The following GLS2 variants were observed in gnomAD, a reference collection of about 807,000 sequenced individuals.
The protein encoded by GLS2 is glutaminase 2.
GLS2 carries 52 observed loss-of-function variants against 79.0 expected under a neutral mutation model. The ratio of observed to expected loss-of-function variants is 0.66; its 90% CI spans 0.53 to 0.83. GLS2 has a LOEUF of 0.83. Among genes scored for constraint, GLS2 ranks in the 40% least tolerant of loss-of-function variants. GLS2 has a pLI of 0.00. For missense variants in GLS2, 561 were observed against 764.8 expected (o/e 0.73, Z 3.14); for synonymous variants, 238 against 280.8 (o/e 0.85, Z 1.52).
chr12:56,475,695 A>G lies in GLS2; in HGVS notation c.871-13T>C. ...GATACTGCAACACCTGGAAGAGAAA[A>G]AGGGACATTGAGGCTCCACTTGGTT... is the stretch of plus-strand genomic sequence containing the variant. On this transcript the variant is annotated splice_polypyrimidine_tract_variant and intron_variant, in intron 8 of 17. Transcript: ENST00000311966. The G allele has an allele frequency of 6.2e-7, 1 of 1,614,164 alleles. No individual in the cohort carries two copies. The highest frequency in any genetic ancestry group is 1.7e-5 in the Admixed American group (1 of 60,030).
chr12:56,483,346 T>G (rs1364841160), intron 1 of GLS2, among the ~76,000 whole-genome samples: 2 of 152,104 alleles, frequency 1.3e-5, no homozygotes, highest in African/African-American at 4.8e-5. Context: ...CCCAAAGTGC[T>G]GGGATTACAG....
At chr12:56,487,460 C>G (rs1235141162) in intron 1 of GLS2, 12 of 179,796 alleles carry the variant, frequency 6.7e-5, no homozygotes, top group Non-Finnish European at 1.2e-4. Context: ...ATGGACGTAC[C>G]TGCGCACCAA....
At chr12:56,475,836 G>A in intron 8 of GLS2, 109 bp downstream of exon 8, 2 of 1,409,128 alleles carry the variant, frequency 1.4e-6, no homozygotes, top group South Asian at 1.2e-5. Flanking sequence ...AAGGCTTCTA[G>A]TATGGGCTGG....
At chr12:56,487,462 G>A (rs963346417) in intron 1 of GLS2, 20 of 179,768 alleles carry the variant, frequency 1.1e-4, no homozygotes, top group Non-Finnish European at 2.0e-4. Flanking sequence ...GGACGTACCT[G>A]CGCACCAATA....
At position 56,480,313 on chromosome 12, in the gene GLS2, C is replaced by A; in HGVS notation, c.257G>T (p.Arg86Leu). The A allele has an allele frequency of 6.2e-7, 1 of 1,614,066 alleles. No individual in the cohort carries two copies. The highest frequency in any genetic ancestry group is 2.2e-5 in the East Asian group (1 of 44,884). Residue 86 changes from arginine to leucine, a missense_variant, in exon 2 of 18, where the codon CGA (arginine) becomes CTA (leucine). Coordinates refer to ENST00000311966, the MANE Select transcript of GLS2 (RefSeq NM_013267.4). ...AGTGGTGAACTTGTGGATAGGGATT[C>A]GTTCCTGTCCTTCAGCAATAGTGTA... is the stretch of plus-strand genomic sequence containing the variant. ...LFYTIAEGQERIPIHKFTTAL... is the reference protein window; with the variant it reads ...LFYTIAEGQELIPIHKFTTAL...
At chr12:56,475,286 A>G in intron 9 of GLS2, 176 bp from the exon 10 acceptor site, 1 of 1,484,700 alleles carries the variant, frequency 6.7e-7, no homozygotes, top group East Asian at 2.4e-5. Flanking sequence ...AACACTCAGC[A>G]TAGTTTTGTT....
Position 56,478,166 on chromosome 12 carries a change from C to T in GLS2, c.614+17G>A. 1.2e-6 allele frequency: 2 copies of T among 1,614,242 alleles called. No individual in the cohort carries two copies. Among genetic ancestry groups the T allele is most frequent in the Non-Finnish European group, 1.7e-6 (2 of 1,180,034 alleles). On this transcript the variant is annotated intron_variant, in intron 5 of 17. Coordinates refer to ENST00000311966, the MANE Select transcript of GLS2 (RefSeq NM_013267.4). ...CACCTGTGCCCTGCCTCCCCTTCCTCTTGCCCAGCATCTCACCGTTGACCA... is the reference window on the plus strand; with the variant it reads ...CACCTGTGCCCTGCCTCCCCTTCCTTTTGCCCAGCATCTCACCGTTGACCA...
chr12:56,488,082 G>A lies in GLS2; in HGVS notation c.37C>T (p.Arg13Trp). Residue 13 changes from arginine (R) to tryptophan (W), a missense_variant, in exon 1 of 18, where the codon CGG (arginine) becomes TGG (tryptophan). Arg to Trp is a moderately radical substitution (Grantham distance 101). This residue lies in a region of GLS2 where 161 missense variants were observed against 167.8 expected (regional missense o/e 0.96). Coordinates refer to ENST00000311966, the MANE Select transcript of GLS2 (RefSeq NM_013267.4). ...SMKALQKALSRAGSHCGRGGW... is the reference protein window; with the variant it reads ...SMKALQKALSWAGSHCGRGGW... ...CCTCGCCCGCAGTGACTGCCAGCCC[G>A]GCTCAGGGCCTTCTGCAGAGCCTTC... is the stretch of plus-strand genomic sequence containing the variant. The A allele has an allele frequency of 1.3e-6, 2 of 1,571,102 alleles. No homozygotes were observed. The highest frequency in any genetic ancestry group is 1.1e-5 in the South Asian group (1 of 87,688).
Position 56,472,044 on chromosome 12 carries a change from T to A in GLS2, c.1588+75A>T, listed in dbSNP as rs534437905. On this transcript the variant is annotated intron_variant, in intron 16 of 17. Transcript: ENST00000311966. Reference sequence around the variant, plus strand: ...GCCCCTATAACCTTGAGGGCACATATAATGAAGGTACTTTTGGTGAAAAAG... The same window carrying A: ...GCCCCTATAACCTTGAGGGCACATAAAATGAAGGTACTTTTGGTGAAAAAG... The A allele has an allele frequency of 2.0e-6, 3 of 1,514,980 alleles. No individual in the cohort carries two copies. The East Asian group carries it at 6.8e-5, about 34-fold the overall frequency. 93.8% of individuals were successfully genotyped at this position (1,514,980 alleles called of 1,614,324 possible). A position where few individuals can be genotyped will look rare whatever the true frequency, so the allele number is the denominator to read the frequency against.
At chr12:56,486,947 G>A (rs1870739412) in intron 1 of GLS2, among the ~76,000 whole-genome samples, 1 of 62,338 alleles carries the variant, frequency 1.6e-5, no homozygotes, top group Non-Finnish European at 3.1e-5. Context: ...CTCGAGTAGT[G>A]GTGAGGTAGT....
intron 1 of GLS2, 71 bp downstream of exon 1, chr12:56,487,866 C>G: frequency 6.6e-7 from 1 of 1,510,570 alleles, no homozygotes; most frequent in Non-Finnish European, 8.8e-7. Context: ...TGGAAGGGCA[C>G]TCGGGAACTA....
chr12:56,479,844 C>G lies in GLS2; in HGVS notation c.340G>C (p.Glu114Gln). Residue 114 changes from glutamate to glutamine, a missense_variant, in exon 3 of 18, where the codon GAG becomes CAG. Glu to Gln is a conservative substitution (Grantham distance 29). Transcript: ENST00000311966. Reference sequence around the variant, plus strand: ...GACTCTTGGACCACGCGGTGCATCTCGCTCATGCAGTCTCGGAGCCGAGGA... The same window carrying G: ...GACTCTTGGACCACGCGGTGCATCTGGCTCATGCAGTCTCGGAGCCGAGGA... Reference protein sequence around the residue: ...SDPRLRDCMSEMHRVVQESSS... With the variant: ...SDPRLRDCMSQMHRVVQESSS... The G allele has an allele frequency of 6.2e-7, 1 of 1,612,536 alleles. No homozygotes were observed. The highest frequency in any genetic ancestry group is 8.5e-7 in the Non-Finnish European group (1 of 1,180,014).
rs141537402 is a variant in GLS2, at chr12:56,486,639, A to G, written c.182+1298T>C. The stretch of plus-strand genomic sequence containing the variant: ...GCGGATCACCTGAAGTCAGGAGTTC[A>G]AGACCAGCAGGGCCAACACGGTGAA... On this transcript the variant is annotated intron_variant, in intron 1 of 17. Transcript: ENST00000311966. 2.6e-5 allele frequency among the ~76,000 whole-genome samples: 4 copies of G among 152,262 alleles called. No homozygotes were observed. The East Asian group carries it at 7.7e-4, about 29-fold the overall frequency.
intron 14 of GLS2, 134 bp from the exon 15 acceptor site, chr12:56,472,885 CTTTT>C (rs952399444): frequency 5.0e-3 from 1,984 of 396,054 alleles, no homozygotes; most frequent in Middle Eastern, 7.4e-3. Flanking sequence ...CTGAAATATT[CTTTT>C]TTTTTTTTTT....
At chr12:56,471,687 G>C (rs1296244026) in intron 17 of GLS2, 44 bp from the exon 18 acceptor site, 3 of 1,612,686 alleles carry the variant, frequency 1.9e-6, no homozygotes, top group South Asian at 2.2e-5. Context: ...GACGTGGAGA[G>C]TGGTGGTTGT....
intron 16 of GLS2, 44 bp downstream of exon 16, chr12:56,472,075 G>T: frequency 6.3e-7 from 1 of 1,595,068 alleles, no homozygotes; most frequent in Non-Finnish European, 8.6e-7. Flanking sequence ...AAAAGAAAGG[G>T]TCTTATGATT....
At chr12:56,484,139 G>A (rs775247731) in intron 1 of GLS2, among the ~76,000 whole-genome samples, 50 of 152,168 alleles carry the variant, frequency 3.3e-4, no homozygotes, top group South Asian at 4.2e-4. Flanking sequence ...GTGTGGTGGC[G>A]CGCACCTGTA....
chr12:56,472,898 T>C (rs1869424981), intron 14 of GLS2, 147 bp from the exon 15 acceptor site: 2 of 727,854 alleles, frequency 2.7e-6, no homozygotes, highest in African/African-American at 1.8e-5. Context: ...TTTTTTTTTT[T>C]TTTTTTTGAG....
rs563901615 is a variant in GLS2, at chr12:56,477,212, C to A, written c.837+448G>T. 2.5e-4 allele frequency: 39 copies of A among 153,606 alleles called. 1 individual carries two copies. In the Middle Eastern group the frequency reaches 0.02, roughly 80 times the overall value. The allele number at this position is 153,606 out of a possible 1,614,324, so 9.5% of individuals were successfully genotyped here. A position where few individuals can be genotyped will look rare whatever the true frequency, so the allele number is the denominator to read the frequency against. ...TACAGCTGATGGGCTAGTCTGACAC[C>A]CTGTTCAAGGCCAACTCACAGTTCC... On this transcript the variant is annotated intron_variant, in intron 7 of 17. Transcript: ENST00000311966.
Sources: allele counts gnomAD v4.1 joint callset (sites outside exome capture counted in the v4.1 genomes callset), GRCh38; gene constraint gnomAD v4.1.1; regional missense constraint gnomAD v4.1.1; transcripts MANE v1.5; gene names NCBI Gene and HGNC (gene_info 2026-07-23, HGNC 2026-07-21).